Variants in LRRC49 observed in about 807,000 individuals in gnomAD.
LRRC49 encodes the protein leucine-rich repeat-containing protein 49.
In LRRC49, 50 loss-of-function variants were observed where a neutral mutation model predicts 83.3. The observed-to-expected ratio is 0.60, with a 90% CI of 0.48 to 0.76. The LOEUF is 0.76. Among genes scored for constraint, LRRC49 ranks in the 30% least tolerant of loss-of-function variants. LRRC49 has a pLI of 0.00. For missense variants in LRRC49, 704 were observed against 809.1 expected, an observed-to-expected ratio of 0.87 and a Z score of 1.58; for synonymous variants, 286 against 283.3, an observed-to-expected ratio of 1.01 and a Z score of -0.10.
chr15:71,013,033 C>A, intron 14 of LRRC49, 120 bp downstream of exon 14: 1 of 634,272 alleles, frequency 1.6e-6, no homozygotes, highest in Non-Finnish European at 2.7e-6. Context: ...CCTAGACTGG[C>A]CTATTGAAAG....
intron 7 of LRRC49, among the ~76,000 whole-genome samples, chr15:70,932,041 T>C (rs1369571218): frequency 6.6e-6 from 1 of 152,214 alleles, no homozygotes; most frequent in Non-Finnish European, 1.5e-5. Context: ...TTAGTCAGCA[T>C]ATCAGTGCCT....
chr15:70,879,375 G>A (rs1362521150), intron 2 of LRRC49, among the ~76,000 whole-genome samples: 1 of 152,024 alleles, frequency 6.6e-6, no homozygotes, highest in East Asian at 1.9e-4. Flanking sequence ...GTTGATATTA[G>A]GTCACACTTT....
Position 70,858,860 on chromosome 15 carries a change from T to G in LRRC49, c.-299+5391T>G. On this transcript the variant is annotated intron_variant, in intron 1 of 16. Transcript: ENST00000544974. ...GGCAGCAGCAGCTTCTGGGGTGGCC[T>G]GGGTGGAGGCTGGGTGGTGGGGCCA... 3.9e-6 allele frequency: 3 copies of G among 767,892 alleles called. No homozygotes were observed. In the South Asian group the frequency reaches 4.2e-5, roughly 11 times the overall value. 47.6% of individuals were successfully genotyped at this position (767,892 alleles called of 1,614,324 possible).
At chr15:70,958,078 T>C (rs2036466251) in intron 8 of LRRC49, among the ~76,000 whole-genome samples, 1 of 152,120 alleles carries the variant, frequency 6.6e-6, no homozygotes, top group African/African-American at 2.4e-5. Flanking sequence ...CCTTTCCTTA[T>C]CACATCCAAA....
At chr15:70,893,891 C>T (rs2033706228) in intron 2 of LRRC49, among the ~76,000 whole-genome samples, 1 of 145,872 alleles carries the variant, frequency 6.9e-6, no homozygotes. Flanking sequence ...GACATTTACA[C>T]TTTTTTTTTT....
At chr15:71,012,981 T>C (rs2038706402) in intron 14 of LRRC49, 68 bp downstream of exon 14, 1 of 966,478 alleles carries the variant, frequency 1.0e-6, no homozygotes. Flanking sequence ...AAATTCCACA[T>C]ACCTCCTAAC....
At chr15:70,894,584 C>T in intron 2 of LRRC49, 1 of 1,271,818 alleles carries the variant, frequency 7.9e-7, no homozygotes, top group Non-Finnish European at 1.0e-6. Context: ...TTTATACTTA[C>T]CTACTTTCTA....
intron 12 of LRRC49, 96 bp downstream of exon 12, chr15:71,008,712 T>A (rs2038548702): frequency 6.2e-6 from 5 of 801,416 alleles, no homozygotes; most frequent in Non-Finnish European, 5.9e-6. Flanking sequence ...TTATGTAGTT[T>A]CTATCTGGCA....
At chr15:71,028,652 T>C (rs2039251218) in intron 14 of LRRC49, among the ~76,000 whole-genome samples, 1 of 152,224 alleles carries the variant, frequency 6.6e-6, no homozygotes, top group Non-Finnish European at 1.5e-5. Context: ...GAGATTCGAC[T>C]TCTTCCTGGT....
rs537980776 is a variant in LRRC49 at position 70,898,538 on chromosome 15, G to A, written c.194-2384G>A. 1.4e-4 allele frequency: 83 copies of A among 600,666 alleles called. No individual in the cohort carries two copies. The South Asian group carries it at 1.7e-3, about 13-fold the overall frequency. The allele number at this position is 600,666 out of a possible 1,614,324, so 37.2% of individuals were successfully genotyped here. A position where few individuals can be genotyped will look rare whatever the true frequency, so the allele number is the denominator to read the frequency against. Reference sequence around the variant, plus strand: ...GCCTGTAACCCCAGCACTTTGGGAGGCCAAGGTGGGTGGATTGCTTGAGCC... The same window carrying A: ...GCCTGTAACCCCAGCACTTTGGGAGACCAAGGTGGGTGGATTGCTTGAGCC... On this transcript the variant is annotated intron_variant, in intron 3 of 15. Transcript: ENST00000260382.
chr15:70,958,413 T>C (rs915584452), intron 8 of LRRC49, among the ~76,000 whole-genome samples: 3 of 152,138 alleles, frequency 2.0e-5, no homozygotes, highest in African/African-American at 7.2e-5. Context: ...AAAATACACA[T>C]AGAAAAGCAG....
chr15:70,911,553 G>C lies in LRRC49; in HGVS notation c.522G>C (p.Leu174=), dbSNP rs1001945843. 6.3e-7 allele frequency: 1 copy of C among 1,581,930 alleles called. No homozygotes were observed. Among genetic ancestry groups the C allele is most frequent in the South Asian group, 1.2e-5 (1 of 86,250 alleles). ...TCAGAATCAAGAAAATCTCAAATCTGGAGAATCTAAAAAGCTTAGATGTCT... is the reference window on the plus strand; with the variant it reads ...TCAGAATCAAGAAAATCTCAAATCTCGAGAATCTAAAAAGCTTAGATGTCT... ...GKNRIKKISN[L]ENLKSLDVLD... Residue 174 remains leucine (L), a synonymous_variant, in exon 6 of 16, where the codon CTG becomes CTC. Transcript: ENST00000260382.
At position 70,963,830 on chromosome 15, in the gene LRRC49, C is replaced by T; in HGVS notation, c.819C>T (p.Asp273=). ...SCLADSSSLS[D]ITFDGNPIAQ... is the part of the protein sequence containing the mutation. ...TTGCTGACTCTTCTTCCCTCTCGGA[C>T]ATCACCTTTGATGGCAATCCCATAG... Residue 273 remains aspartate (D), a synonymous_variant, in exon 9 of 16, where the codon GAC becomes GAT. Transcript: ENST00000260382. 6.2e-7 allele frequency: 1 copy of T among 1,613,670 alleles called. No homozygotes were observed. The highest frequency in any genetic ancestry group is 8.5e-7 in the Non-Finnish European group (1 of 1,179,702).
intron 1 of LRRC49, among the ~76,000 whole-genome samples, chr15:70,860,599 T>C (rs944921453): frequency 1.3e-5 from 2 of 152,104 alleles, no homozygotes; most frequent in African/African-American, 2.4e-5. Context: ...TTTGTAGAGA[T>C]AGGGTCTTTC....
intron 8 of LRRC49, among the ~76,000 whole-genome samples, chr15:70,951,855 G>T (rs1051893795): frequency 3.3e-5 from 5 of 152,158 alleles, no homozygotes; most frequent in Non-Finnish European, 7.4e-5. Flanking sequence ...CAAGGGGAAT[G>T]CTTCCAGCTT....
intron 2 of LRRC49, chr15:70,883,047 A>T: frequency 1.3e-6 from 1 of 752,936 alleles, no homozygotes; most frequent in Non-Finnish European, 2.1e-6. Flanking sequence ...AACCTAGGCA[A>T]GGTGAATCTA....
At chr15:70,870,367 C>T (rs2033000385) in intron 1 of LRRC49, among the ~76,000 whole-genome samples, 1 of 133,652 alleles carries the variant, frequency 7.5e-6, no homozygotes, top group Non-Finnish European at 1.7e-5. Flanking sequence ...TGAGCAAATG[C>T]ACTATAGTTG....
At chr15:70,923,372 G>A (rs1379877082) in intron 7 of LRRC49, among the ~76,000 whole-genome samples, 1 of 151,872 alleles carries the variant, frequency 6.6e-6, no homozygotes, top group Non-Finnish European at 1.5e-5. Flanking sequence ...GTATTTGTCA[G>A]TATTTTGAAG....
At chr15:70,969,172 A>G (rs2036901170) in intron 9 of LRRC49, among the ~76,000 whole-genome samples, 1 of 152,128 alleles carries the variant, frequency 6.6e-6, no homozygotes, top group South Asian at 2.1e-4. Context: ...AGGTGTAAGG[A>G]AGGGGTCCAG....
Sources: gnomAD v4.1 joint callset for allele counts (sites outside exome capture counted in the v4.1 genomes callset) on GRCh38, gnomAD v4.1.1 for gene constraint, MANE v1.5 for transcripts, NCBI Gene and HGNC (gene_info 2026-07-23, HGNC 2026-07-21) for gene names.